Variants in DLEC1 observed in about 807,000 individuals in gnomAD.
DLEC1 encodes DLEC1 cilia and flagella associated protein.
Under a neutral mutation model 198.1 loss-of-function variants are expected in DLEC1, and 146 were observed. The ratio of observed to expected loss-of-function variants is 0.74; its 90% confidence interval spans 0.64 to 0.85. The LOEUF (loss-of-function observed/expected upper bound fraction) is 0.85. DLEC1 is among the 40% of genes least tolerant of loss of function. The pLI is 0.00. For missense variants in DLEC1, 2,233 were observed against 2,220.0 expected (o/e 1.01, Z -0.12); for synonymous variants, 897 against 866.8 (o/e 1.03, Z -0.61).
chr3:38,123,423 C>T lies in DLEC1; in HGVS notation c.*1011C>T, dbSNP rs1700587229. ...AGGGATCGATCATAATCCCAAAAGACACAATCCCAAACACAATCATCCCAA... is the reference window on the plus strand; with the variant it reads ...AGGGATCGATCATAATCCCAAAAGATACAATCCCAAACACAATCATCCCAA... On this transcript the variant is annotated 3_prime_UTR_variant, in exon 37 of 37. Coordinates refer to ENST00000308059, the MANE Select transcript of DLEC1 (RefSeq NM_007335.4). The T allele has an allele frequency of 6.4e-6, 2 of 311,186 alleles. No individual in the cohort carries two copies. Among genetic ancestry groups the T allele is most frequent in the Non-Finnish European group, 1.2e-5 (2 of 167,894 alleles). The allele number at this position is 311,186 out of a possible 1,614,324, so 19.3% of individuals were successfully genotyped here.
chr3:38,069,051 A>G (rs891214582), intron 6 of DLEC1, among the ~76,000 whole-genome samples: 4 of 152,170 alleles, frequency 2.6e-5, no homozygotes, highest in Non-Finnish European at 4.4e-5. Context: ...CAAAAGTAGT[A>G]TACTATTTGG....
chr3:38,107,299 C>T (rs866932810), intron 19 of DLEC1, among the ~76,000 whole-genome samples: 1 of 152,146 alleles, frequency 6.6e-6, no homozygotes, highest in Non-Finnish European at 1.5e-5. Context: ...GTTCTTGCAA[C>T]AATTTCTCTT....
rs564537738 is a variant in DLEC1 at position 38,054,064 on chromosome 3, C to G, written c.563-5678C>G. 1.1e-3 allele frequency among the ~76,000 whole-genome samples: 169 copies of G among 152,056 alleles called. 1 individual carries two copies. The highest frequency in any genetic ancestry group is 3.4e-3 in the Middle Eastern group (1 of 294). On this transcript the variant is annotated intron_variant, in intron 2 of 36. Coordinates refer to ENST00000308059, the MANE Select transcript of DLEC1 (RefSeq NM_007335.4). ...CAGGGACACAAACACTGCGGAAGGC[C>G]GCAGGGTCCTCTGCCTAGGAAAACC... is the stretch of plus-strand genomic sequence containing the variant.
intron 12 of DLEC1, 64 bp from the exon 13 acceptor site, chr3:38,094,815 A>G: frequency 1.3e-6 from 2 of 1,571,498 alleles, no homozygotes; most frequent in African/African-American, 1.3e-5. Context: ...GCAGGGAGGC[A>G]TGGGGTGGAG....
At chr3:38,109,899 T>C in intron 22 of DLEC1, 200 bp from the exon 23 acceptor site, 1 of 710,190 alleles carries the variant, frequency 1.4e-6, no homozygotes, top group Non-Finnish European at 2.3e-6. Flanking sequence ...AGGGACGGTT[T>C]GTGCAGAGTT....
chr3:38,061,819 TAC>T (rs1257367523), intron 3 of DLEC1, among the ~76,000 whole-genome samples: 4 of 152,160 alleles, frequency 2.6e-5, no homozygotes, highest in Admixed American at 6.5e-5. Flanking sequence ...AGGCATGCAC[TAC>T]CACACCCAGC....
In DLEC1 at chr3:38,121,712, C is replaced by T. The variant is rs200713816; in HGVS notation, c.4951C>T (p.Gln1651Ter). 1.9e-6 allele frequency: 3 copies of T among 1,614,098 alleles called. No homozygotes were observed. In the African/African-American group the frequency reaches 4.0e-5, roughly 22 times the overall value. Reference sequence around the variant, plus strand: ...GGACTTTGGGACCTGCTTTGTGAGCCAGCAGCGAGTCCGGGAGGTCTACCT... The same window carrying T: ...GGACTTTGGGACCTGCTTTGTGAGCTAGCAGCGAGTCCGGGAGGTCTACCT... ...WVDFGTCFVS[Q>*]QRVREVYLMN... The change falls in exon 35 of 37, where the codon CAG (glutamine) becomes TAG (stop). Residue 1651 changes from glutamine to a stop codon, truncating the protein, a stop_gained. Transcript: ENST00000308059. LOFTEE classifies it high-confidence loss of function.
At chr3:38,095,290 G>A in intron 13 of DLEC1, 1 of 580,884 alleles carries the variant, frequency 1.7e-6, no homozygotes, top group African/African-American at 1.9e-5. Flanking sequence ...CCCATCTGCA[G>A]CAAGACCCTT....
intron 2 of DLEC1, among the ~76,000 whole-genome samples, chr3:38,054,218 AAAACAAAC>A (rs71094942): frequency 4.0e-5 from 6 of 151,752 alleles, no homozygotes; most frequent in African/African-American, 1.5e-4. Flanking sequence ...ACAAAACAAA[AAAACAAAC>A]AAACAAACAA....
intron 11 of DLEC1, 80 bp from the exon 12 acceptor site, chr3:38,093,525 C>A: frequency 1.9e-6 from 3 of 1,540,918 alleles, no homozygotes; most frequent in South Asian, 2.3e-5. Flanking sequence ...ATGTGGATGG[C>A]GGCATGGGTC....
chr3:38,044,563 C>T (rs962555241), intron 1 of DLEC1, among the ~76,000 whole-genome samples: 2 of 149,850 alleles, frequency 1.3e-5, no homozygotes, highest in Admixed American at 6.7e-5. Flanking sequence ...AACTCTGTCT[C>T]AAAAAAGAAA....
At chr3:38,114,557 C>T (rs1386595888) in intron 26 of DLEC1, 97 bp downstream of exon 26, 1 of 1,273,410 alleles carries the variant, frequency 7.9e-7, no homozygotes, top group Non-Finnish European at 1.1e-6. Flanking sequence ...TATTCTCCAG[C>T]TGGCCTAGGG....
chr3:38,107,500 C>G (rs1699627316), intron 19 of DLEC1, 84 bp from the exon 20 acceptor site: 1 of 1,357,492 alleles, frequency 7.4e-7, no homozygotes, highest in Non-Finnish European at 9.8e-7. Flanking sequence ...GGATTTTCTA[C>G]ATAGACTGCA....
chr3:38,098,694 A>G (rs1246996610), intron 18 of DLEC1, among the ~76,000 whole-genome samples: 1 of 152,000 alleles, frequency 6.6e-6, no homozygotes, highest in Non-Finnish European at 1.5e-5. Flanking sequence ...CTTCTGTATT[A>G]AGGAGCCCAG....
At chr3:38,117,462 A>G (rs1473245031) in intron 31 of DLEC1, 65 bp from the exon 32 acceptor site, 1 of 1,609,412 alleles carries the variant, frequency 6.2e-7, no homozygotes, top group African/African-American at 1.3e-5. Context: ...CTGGATGAGC[A>G]GAGTGGGGGC....
At chr3:38,084,567 G>A (rs796238606) in intron 7 of DLEC1, among the ~76,000 whole-genome samples, 12 of 10,488 alleles carry the variant, frequency 1.1e-3, no homozygotes, top group East Asian at 2.5e-3. Flanking sequence ...AGTAGTGGTA[G>A]TAGTAGTAGT....
At chr3:38,054,339 G>A (rs7652538) in intron 2 of DLEC1, among the ~76,000 whole-genome samples, 8,736 of 152,276 alleles carry the variant, frequency 0.057, 318 homozygotes, top group Middle Eastern at 0.12. Context: ...GCGTGCAGGC[G>A]CCTGGAGGCA....
chr3:38,112,212 T>C lies in DLEC1; in HGVS notation c.3517T>C (p.Phe1173Leu). 1 of 1,614,012 alleles carries C rather than the reference T, an allele frequency of 6.2e-7. No individual in the cohort carries two copies. The highest frequency in any genetic ancestry group is 8.5e-7 in the Non-Finnish European group (1 of 1,179,978). ...CCACAGTCGCGGTTCTTTCCCAGAT[T>C]TTATGGAGAGCATGCTATCCCACGG... is the stretch of plus-strand genomic sequence containing the variant. ...EHLAKREQLDFMESMLSHGKG... is the reference protein window; with the variant it reads ...EHLAKREQLDLMESMLSHGKG... The change falls in exon 25 of 37, where the codon TTT becomes CTT. Residue 1173 changes from phenylalanine (F) to leucine (L), a missense_variant and splice_region_variant. Physicochemically the swap from Phe to Leu is conservative, Grantham distance 22. Coordinates refer to ENST00000308059, the MANE Select transcript of DLEC1 (RefSeq NM_007335.4). The surrounding 1 kb of genome is among the most constrained non-coding windows in gnomAD (Gnocchi z 4.8).
intron 1 of DLEC1, among the ~76,000 whole-genome samples, chr3:38,044,488 G>A (rs3845953): frequency 0.32 from 48,396 of 151,752 alleles, 7,993 homozygotes; most frequent in East Asian, 0.55. Flanking sequence ...ACTTGAACCC[G>A]GGAGGCAGAG....
Sources: allele counts gnomAD v4.1 joint callset (sites outside exome capture counted in the v4.1 genomes callset), GRCh38; gene constraint gnomAD v4.1.1; non-coding constraint Gnocchi (gnomAD v3.1); transcripts MANE v1.5; gene names NCBI Gene and HGNC (gene_info 2026-07-23, HGNC 2026-07-21).